THSD4: variants seen among roughly 807,000 people sequenced by gnomAD.
The protein encoded by THSD4 is thrombospondin type 1 domain containing 4.
In THSD4, 69 loss-of-function variants were observed where a neutral mutation model predicts 119.0. That is an observed-to-expected ratio of 0.58 (90% CI 0.48 to 0.71). The LOEUF (loss-of-function observed/expected upper bound fraction) is 0.71. Ranked by LOEUF, THSD4 falls within the 30% of genes least tolerant of loss-of-function variation. THSD4 has a pLI of 0.00. For synonymous variants in THSD4, 524 were observed against 540.4 expected, an observed-to-expected ratio of 0.97 and a Z score of 0.42; for missense variants, 1,393 against 1,391.1, an observed-to-expected ratio of 1.00 and a Z score of -0.02.
rs556917124 is a variant in THSD4, at chr15:71,535,684, CTT to C, written c.1152+123862_1152+123863del. Among the ~76,000 whole-genome samples the C allele has an allele frequency of 8.8e-4, 134 of 152,286 alleles. 3 individuals carry two copies. The South Asian group carries it at 0.027, about 30-fold the overall frequency. On this transcript the variant is annotated intron_variant, in intron 7 of 17. Transcript: ENST00000261862. ...TTTGATTTGCATTTCCCTAATGACT[CTT>C]GATGTTGAGCATCTTTTTCTGTGCT...
chr15:71,648,428 C>G (rs576720477), intron 7 of THSD4, among the ~76,000 whole-genome samples: 72 of 152,308 alleles, frequency 4.7e-4, no homozygotes, highest in African/African-American at 1.7e-3. Context: ...TGCTCTGTTT[C>G]TAAAATGAAA....
intron 6 of THSD4, among the ~76,000 whole-genome samples, chr15:71,288,720 C>A (rs563465673): frequency 6.6e-6 from 1 of 152,088 alleles, no homozygotes; most frequent in Non-Finnish European, 1.5e-5. Context: ...AGTAAATTTC[C>A]GTATCTTACT....
At chr15:71,463,901 C>T (rs944037842) in intron 7 of THSD4, among the ~76,000 whole-genome samples, 4 of 152,164 alleles carry the variant, frequency 2.6e-5, no homozygotes, top group Non-Finnish European at 1.5e-5. Flanking sequence ...TCAAACTATT[C>T]AATTACCTGT....
intron 3 of THSD4, among the ~76,000 whole-genome samples, chr15:71,157,869 C>A (rs964417891): frequency 1.3e-5 from 2 of 151,858 alleles, no homozygotes; most frequent in African/African-American, 4.8e-5. Flanking sequence ...ACCACATTTT[C>A]TTTTCTGTTC....
At chr15:71,319,962 A>G (rs557077771) in intron 6 of THSD4, among the ~76,000 whole-genome samples, 1 of 152,338 alleles carries the variant, frequency 6.6e-6, no homozygotes, top group Non-Finnish European at 1.5e-5. Flanking sequence ...AAAGGACGGT[A>G]TGGTAACTAG....
At chr15:71,485,187 C>A (rs1029024671) in intron 7 of THSD4, among the ~76,000 whole-genome samples, 4 of 152,148 alleles carry the variant, frequency 2.6e-5, no homozygotes, top group Non-Finnish European at 4.4e-5. Flanking sequence ...GGCTCCACAT[C>A]TGTATATGTA....
At chr15:71,269,990 A>C (rs1296144923) in intron 6 of THSD4, among the ~76,000 whole-genome samples, 1 of 152,254 alleles carries the variant, frequency 6.6e-6, no homozygotes, top group Non-Finnish European at 1.5e-5. Context: ...GCTCGTGGAT[A>C]GGAAACATCA....
chr15:71,408,253 A>T (rs1400291419), intron 6 of THSD4, among the ~76,000 whole-genome samples: 1 of 152,016 alleles, frequency 6.6e-6, no homozygotes, highest in East Asian at 1.9e-4. Flanking sequence ...TTGAAATGGG[A>T]TCTTGCTCTT....
chr15:71,268,922 G>A (rs779581395), intron 6 of THSD4, among the ~76,000 whole-genome samples: 6 of 152,022 alleles, frequency 3.9e-5, no homozygotes, highest in Non-Finnish European at 8.8e-5. Flanking sequence ...GGAAGAAGTC[G>A]AATCCCTGAA....
intron 6 of THSD4, among the ~76,000 whole-genome samples, chr15:71,299,612 G>A (rs541480476): frequency 1.8e-4 from 28 of 152,204 alleles, no homozygotes; most frequent in Non-Finnish European, 3.2e-4. Context: ...GAAGGAATAA[G>A]TTCTAGTGAT....
Position 71,497,348 on chromosome 15 carries a change from A to G in THSD4, c.1152+85525A>G, listed in dbSNP as rs1388366883. Among the ~76,000 whole-genome samples, 7 of 152,070 alleles carry G rather than the reference A, an allele frequency of 4.6e-5. No individual in the cohort carries two copies. The East Asian group carries it at 5.8e-4, about 13-fold the overall frequency. ...GCCAATGTGGCAATACCCCATCTCT[A>G]TTAAAAATACAAAAATTAGTTGGGT... is the stretch of plus-strand genomic sequence containing the variant. On this transcript the variant is annotated intron_variant, in intron 7 of 17. Transcript: ENST00000261862.
intron 7 of THSD4, among the ~76,000 whole-genome samples, chr15:71,465,348 G>C (rs1053767273): frequency 6.6e-6 from 1 of 152,158 alleles, no homozygotes; most frequent in Non-Finnish European, 1.5e-5. Context: ...CTGTGATTCC[G>C]TAGTTTGACA....
intron 8 of THSD4, among the ~76,000 whole-genome samples, chr15:71,717,875 G>A (rs551429692): frequency 8.5e-5 from 13 of 152,272 alleles, no homozygotes; most frequent in South Asian, 4.1e-4. Context: ...CAGGCTGGGC[G>A]CAGTGGCTTA....
At chr15:71,243,545 G>A (rs1282791154) in intron 5 of THSD4, among the ~76,000 whole-genome samples, 11 of 152,172 alleles carry the variant, frequency 7.2e-5, no homozygotes, top group African/African-American at 2.7e-4. Flanking sequence ...TAGGGGAAGA[G>A]CTGGGACAGC....
chr15:71,732,205 T>A (rs1323610664), intron 10 of THSD4: 5 of 152,250 alleles, frequency 3.3e-5, no homozygotes, highest in Non-Finnish European at 7.3e-5. Flanking sequence ...GTTCACAGAT[T>A]CCAGGGATTA....
rs116264192 is a variant in THSD4 at position 71,621,298 on chromosome 15, G to A, written c.1153-39232G>A. Reference sequence around the variant, plus strand: ...GTCAAGATATTGACTGAAAACAAGCGTACATTTTTTGTAAGTTCAATGGAG... The same window carrying A: ...GTCAAGATATTGACTGAAAACAAGCATACATTTTTTGTAAGTTCAATGGAG... On this transcript the variant is annotated intron_variant, in intron 7 of 17. Transcript: ENST00000261862. Among the ~76,000 whole-genome samples the A allele has an allele frequency of 2.5e-3, 388 of 152,210 alleles. 2 individuals carry two copies. Among genetic ancestry groups the A allele is most frequent in the African/African-American group, 8.7e-3 (363 of 41,540 alleles).
At chr15:71,776,479 G>A (rs879491966) in intron 17 of THSD4, among the ~76,000 whole-genome samples, 2 of 152,204 alleles carry the variant, frequency 1.3e-5, no homozygotes, top group South Asian at 2.1e-4. Flanking sequence ...TCAGCCTCAC[G>A]TGGGAATCAT....
chr15:71,180,330 C>T (rs532358845), intron 3 of THSD4, among the ~76,000 whole-genome samples: 2 of 152,110 alleles, frequency 1.3e-5, no homozygotes, highest in African/African-American at 4.8e-5. Context: ...CATAAATGGG[C>T]AAAGGACTTG....
At chr15:71,196,089 G>A (rs2043717107) in intron 3 of THSD4, among the ~76,000 whole-genome samples, 3 of 152,150 alleles carry the variant, frequency 2.0e-5, no homozygotes. Context: ...TCACATAGTG[G>A]AAAGCAGAAG....
Sources: allele counts gnomAD v4.1 joint callset (sites outside exome capture counted in the v4.1 genomes callset), GRCh38; gene constraint gnomAD v4.1.1; transcripts MANE v1.5; gene names NCBI Gene and HGNC (gene_info 2026-07-23, HGNC 2026-07-21).